The following FSHR variants were observed in gnomAD, a reference collection of about 807,000 sequenced individuals.
The protein encoded by FSHR is follicle stimulating hormone receptor, also known as follicle-stimulating hormone receptor.
In FSHR, 46 loss-of-function variants were observed where a neutral mutation model predicts 52.1. The observed-to-expected ratio is 0.88, with a 90% CI of 0.70 to 1.13. FSHR has a LOEUF of 1.13. Ranked by LOEUF, FSHR falls within the 50% of genes most tolerant of loss-of-function variation. The pLI is 0.00. For missense variants in FSHR, 964 were observed against 834.6 expected (o/e 1.16, Z -1.91); for synonymous variants, 399 against 309.6 (o/e 1.29, Z -3.03).
chr2:49,120,227 T>C (rs1359554224), intron 1 of FSHR, among the ~76,000 whole-genome samples: 1 of 152,126 alleles, frequency 6.6e-6, no homozygotes, highest in African/African-American at 2.4e-5. Flanking sequence ...GCTGAGATCA[T>C]GCCACTGCAC....
At chr2:49,027,866 A>C (rs1389923976) in intron 2 of FSHR, among the ~76,000 whole-genome samples, 1 of 151,938 alleles carries the variant, frequency 6.6e-6, no homozygotes, top group Non-Finnish European at 1.5e-5. Context: ...AAAAAAAAAA[A>C]AAAAAAGAGT....
At chr2:49,030,031 G>A (rs1172531543) in intron 2 of FSHR, among the ~76,000 whole-genome samples, 1 of 152,196 alleles carries the variant, frequency 6.6e-6, no homozygotes, top group Non-Finnish European at 1.5e-5. Flanking sequence ...CTTTGGGAGT[G>A]GCTCTGCGGC....
chr2:49,027,980 G>A (rs940001811), intron 2 of FSHR, among the ~76,000 whole-genome samples: 2 of 152,086 alleles, frequency 1.3e-5, no homozygotes, highest in African/African-American at 2.4e-5. Flanking sequence ...AGTTCCTAGT[G>A]ATGAAAGACA....
chr2:49,146,483 C>A (rs78307796), intron 1 of FSHR, among the ~76,000 whole-genome samples: 7,612 of 152,070 alleles, frequency 0.05, 270 homozygotes, highest in Non-Finnish European at 0.076. Context: ...TTTAAAACCC[C>A]TCAACAAGTT....
intron 1 of FSHR, among the ~76,000 whole-genome samples, chr2:49,134,750 T>C (rs1026508169): frequency 3.4e-4 from 52 of 152,182 alleles, no homozygotes; most frequent in Admixed American, 3.3e-3. Context: ...AAATGATGCG[T>C]TCATGTCCTT....
chr2:49,056,312 A>G (rs1411182717), intron 2 of FSHR, among the ~76,000 whole-genome samples: 4 of 151,850 alleles, frequency 2.6e-5, no homozygotes, highest in African/African-American at 9.7e-5. Context: ...TTATAAACAA[A>G]ACCCTAAAGT....
In FSHR at chr2:48,999,590, C is replaced by T. The variant is rs879396574; in HGVS notation, c.375-8953G>A. 6.6e-5 allele frequency among the ~76,000 whole-genome samples: 10 copies of T among 152,180 alleles called. No homozygotes were observed. In the East Asian group the frequency reaches 7.7e-4, roughly 12 times the overall value. On this transcript the variant is annotated intron_variant, in intron 4 of 9. Transcript: ENST00000406846. The stretch of plus-strand genomic sequence containing the variant: ...TATTCCTGAAGAGGGCCTTAGACTC[C>T]GTAACCTCTAAGATGCCTTCCAACT...
chr2:49,117,087 G>T (rs538200870), intron 1 of FSHR, among the ~76,000 whole-genome samples: 1 of 152,252 alleles, frequency 6.6e-6, no homozygotes, highest in South Asian at 2.1e-4. Context: ...AATTGTTATA[G>T]GCCTGGTTAG....
chr2:48,963,996 A>T (rs1477200541), intron 9 of FSHR, 30 bp from the exon 10 acceptor site: 1 of 1,598,600 alleles, frequency 6.3e-7, no homozygotes, highest in Admixed American at 1.7e-5. Context: ...AATAGAATCA[A>T]CATCTCAGAT....
chr2:49,144,434 G>A (rs1376737273), intron 1 of FSHR, among the ~76,000 whole-genome samples: 2 of 152,120 alleles, frequency 1.3e-5, no homozygotes, highest in Non-Finnish European at 2.9e-5. Context: ...GGAATGAGAT[G>A]CCATTCAAAG....
chr2:49,016,710 C>G (rs900286725), intron 4 of FSHR, among the ~76,000 whole-genome samples: 7 of 152,122 alleles, frequency 4.6e-5, no homozygotes, highest in African/African-American at 1.4e-4. Context: ...TGCTTTAAGC[C>G]TCTATCTTTG....
intron 1 of FSHR, among the ~76,000 whole-genome samples, chr2:49,131,072 A>G (rs1173684183): frequency 6.6e-6 from 1 of 152,178 alleles, no homozygotes; most frequent in East Asian, 1.9e-4. Context: ...ATAAAATTAG[A>G]TGAGCCATGT....
At chr2:49,109,803 C>A (rs146545050) in intron 1 of FSHR, among the ~76,000 whole-genome samples, 2 of 152,026 alleles carry the variant, frequency 1.3e-5, no homozygotes, top group South Asian at 4.1e-4. Flanking sequence ...AAATTAGGAA[C>A]GTGAAAATAA....
intron 2 of FSHR, among the ~76,000 whole-genome samples, chr2:49,059,424 AACAG>A: frequency 6.6e-6 from 1 of 152,010 alleles, no homozygotes; most frequent in African/African-American, 2.4e-5. Context: ...GGAAAAAAAA[AACAG>A]ACAAATAGAC....
At chr2:49,035,877 G>A (rs1668254280) in intron 2 of FSHR, among the ~76,000 whole-genome samples, 1 of 152,210 alleles carries the variant, frequency 6.6e-6, no homozygotes, top group Non-Finnish European at 1.5e-5. Flanking sequence ...CTTTGAGCAA[G>A]TAGAGCTGTA....
chr2:49,089,351 A>C (rs867271721), intron 1 of FSHR, among the ~76,000 whole-genome samples: 1 of 152,176 alleles, frequency 6.6e-6, no homozygotes, highest in African/African-American at 2.4e-5. Flanking sequence ...ACTGTTTTGC[A>C]TCAGAAGAAC....
intron 8 of FSHR, among the ~76,000 whole-genome samples, chr2:48,969,889 G>A (rs1559078445): frequency 4.6e-5 from 7 of 152,196 alleles, no homozygotes; most frequent in Admixed American, 2.6e-4. Context: ...TGAGAACAAG[G>A]AGATTTAAAT....
At chr2:49,150,721 C>T (rs1278324350) in intron 1 of FSHR, among the ~76,000 whole-genome samples, 1 of 152,060 alleles carries the variant, frequency 6.6e-6, no homozygotes, top group African/African-American at 2.4e-5. Context: ...AGTGAACCTG[C>T]TCCCCTAGTT....
chr2:49,068,345 G>A, intron 1 of FSHR, 55 bp from the exon 2 acceptor site: 2 of 1,397,780 alleles, frequency 1.4e-6, no homozygotes, highest in Non-Finnish European at 2.0e-6. Context: ...AAGTAATTGA[G>A]TTGCTAATGT....
Sources: gnomAD v4.1 joint callset for allele counts (sites outside exome capture counted in the v4.1 genomes callset) on GRCh38, gnomAD v4.1.1 for gene constraint, MANE v1.5 for transcripts, NCBI Gene and HGNC (gene_info 2026-07-23, HGNC 2026-07-21) for gene names.